JAKMIP3: variants seen among roughly 807,000 people sequenced by gnomAD.
JAKMIP3 encodes Janus kinase and microtubule interacting protein 3.
Under a neutral mutation model 118.5 loss-of-function variants are expected in JAKMIP3, and 58 were observed. The ratio of observed to expected loss-of-function variants is 0.49; its 90% CI spans 0.40 to 0.61. The LOEUF (loss-of-function observed/expected upper bound fraction) is 0.61, where lower values mean the gene tolerates loss of function less well. Among genes scored for constraint, JAKMIP3 ranks in the 20% least tolerant of loss-of-function variants. JAKMIP3 has a pLI of 0.00. For synonymous variants in JAKMIP3, 486 were observed against 451.2 expected (o/e 1.08, Z -0.98); for missense variants, 950 against 1,109.0 (o/e 0.86, Z 2.04).
At chr10:132,173,390 C>T (rs1040948191) in intron 23 of JAKMIP3, among the ~76,000 whole-genome samples, 1 of 151,240 alleles carries the variant, frequency 6.6e-6, no homozygotes, top group Non-Finnish European at 1.5e-5. Flanking sequence ...ACCTGCTCAT[C>T]TGTGCGGCCC....
At position 132,152,954 on chromosome 10, in the gene JAKMIP3, G is replaced by A; in HGVS notation, c.2008-4G>A. ...CCGCACCTGTGTTCTGCTTTTGGGT[G>A]CAGAACCTGACCAATGAGGAGCAGG... is the stretch of plus-strand genomic sequence containing the variant. On this transcript the variant is annotated splice_region_variant and splice_polypyrimidine_tract_variant and intron_variant, in intron 16 of 23. Transcript: ENST00000684848. The A allele has an allele frequency of 1.2e-6, 2 of 1,602,742 alleles. No individual in the cohort carries two copies. The highest frequency in any genetic ancestry group is 2.2e-5 in the East Asian group (1 of 44,540).
At chr10:132,150,584 C>T (rs192114336) in intron 16 of JAKMIP3, among the ~76,000 whole-genome samples, 240 of 152,308 alleles carry the variant, frequency 1.6e-3, no homozygotes, top group Middle Eastern at 3.4e-3. Context: ...ATCTACCTAG[C>T]CCTTCATTCA....
intron 1 of JAKMIP3, among the ~76,000 whole-genome samples, chr10:132,043,024 A>G (rs569482769): frequency 4.6e-3 from 696 of 151,676 alleles, no homozygotes; most frequent in Non-Finnish European, 8.5e-3. Context: ...AGCCCAGGAG[A>G]CAGAGGTTGC....
At chr10:132,164,843 C>T (rs116511728) in intron 21 of JAKMIP3, 108 bp downstream of exon 21, 5 of 762,108 alleles carry the variant, frequency 6.6e-6, no homozygotes, top group South Asian at 4.7e-5. Context: ...CAGCAGACTT[C>T]GCTCCCAACA....
chr10:132,136,302 T>C (rs1309617138), intron 6 of JAKMIP3, among the ~76,000 whole-genome samples: 1 of 152,140 alleles, frequency 6.6e-6, no homozygotes, highest in African/African-American at 2.4e-5. Flanking sequence ...GATGCGGCTG[T>C]GGGGCGTCCC....
chr10:132,045,933 TAAA>T (rs5789110), intron 1 of JAKMIP3, among the ~76,000 whole-genome samples: 1 of 144,150 alleles, frequency 6.9e-6, no homozygotes, highest in Middle Eastern at 3.3e-3. Flanking sequence ...GATCCTGTCT[TAAA>T]AAAAAAAAAA....
upstream of JAKMIP3, among the ~76,000 whole-genome samples, chr10:132,036,626 C>T (rs2037503886): frequency 6.6e-6 from 1 of 151,044 alleles, no homozygotes; most frequent in Non-Finnish European, 1.5e-5. Flanking sequence ...CGGGGCGGGC[C>T]GGGTTCGGGG....
chr10:132,074,442 G>T (rs990145851), intron 1 of JAKMIP3, among the ~76,000 whole-genome samples: 1 of 152,124 alleles, frequency 6.6e-6, no homozygotes, highest in Non-Finnish European at 1.5e-5. Flanking sequence ...GGTGATTACT[G>T]ACATTGAACA....
chr10:132,147,967 A>C lies in JAKMIP3; in HGVS notation c.1765A>C (p.Thr589Pro). The change falls in exon 14 of 24, where the codon ACG (threonine) becomes CCG (proline). Residue 589 changes from threonine to proline, a missense_variant. Thr to Pro is a conservative substitution (Grantham distance 38). Coordinates refer to ENST00000684848, the MANE Select transcript of JAKMIP3 (RefSeq NM_001323087.2). ...TATGTTGCAGATCAAACAAATGGAG[A>C]CGGAAGAGGCTCGGCTCAGACACGA... ...ELVEKIKQMETEEARLRHEVQ... is the reference protein window; with the variant it reads ...ELVEKIKQMEPEEARLRHEVQ... 1 of 1,608,032 alleles carries C rather than the reference A, an allele frequency of 6.2e-7. No homozygotes were observed. The highest frequency in any genetic ancestry group is 8.5e-7 in the Non-Finnish European group (1 of 1,177,108).
At position 132,145,173 on chromosome 10, in the gene JAKMIP3, C is replaced by G. The variant is rs752777936; in HGVS notation, c.1669C>G (p.Leu557Val). 6.2e-7 allele frequency: 1 copy of G among 1,610,638 alleles called. No individual in the cohort carries two copies. Among genetic ancestry groups the G allele is most frequent in the African/African-American group, 1.3e-5 (1 of 74,942 alleles). ...GCGGATAGAGGACCTGGAGAAGGCC[C>G]TGGCGGAGCAGGGGCAGGTGAGCCT... ...QARIEDLEKA[L>V]AEQGQDMKWI... Residue 557 changes from leucine (L) to valine (V), a missense_variant, in exon 12 of 24, where the codon CTG becomes GTG. Physicochemically the swap from Leu to Val is conservative, Grantham distance 32. Coordinates refer to ENST00000684848, the MANE Select transcript of JAKMIP3 (RefSeq NM_001323087.2).
intron 11 of JAKMIP3, 47 bp downstream of exon 11, chr10:132,142,095 C>T (rs775051107): frequency 2.0e-5 from 31 of 1,546,802 alleles, no homozygotes; most frequent in South Asian, 1.8e-4. Context: ...CGTGCCTTCC[C>T]GCTTGACCCC....
intron 22 of JAKMIP3, 124 bp downstream of exon 22, chr10:132,167,179 C>G: frequency 1.4e-6 from 1 of 710,824 alleles, no homozygotes. Context: ...GATGACCCAG[C>G]ATCCCCAAAA....
intron 1 of JAKMIP3, among the ~76,000 whole-genome samples, chr10:132,087,880 C>T (rs1253663046): frequency 2.0e-5 from 3 of 151,948 alleles, no homozygotes; most frequent in Non-Finnish European, 4.4e-5. Flanking sequence ...ATGACAGGCC[C>T]CGGTGTGTGA....
intron 1 of JAKMIP3, among the ~76,000 whole-genome samples, chr10:132,081,232 A>G (rs1303942831): frequency 1.6e-4 from 25 of 152,248 alleles, no homozygotes. Context: ...AGTCTTACTT[A>G]GTACCCTTGT....
rs372734785 is a variant in JAKMIP3, at chr10:132,136,071, G to A, written c.1111G>A (p.Glu371Lys). 2.7e-5 allele frequency: 44 copies of A among 1,613,270 alleles called. No homozygotes were observed. Among genetic ancestry groups the A allele is most frequent in the Non-Finnish European group, 3.6e-5 (43 of 1,179,784 alleles). The change falls in exon 6 of 24, where the codon GAA (glutamate) becomes AAA (lysine). Residue 371 changes from glutamate (E) to lysine (K), a missense_variant. Glu to Lys is a moderately conservative substitution (Grantham distance 56). Transcript: ENST00000684848. ...KLKFVTQENI[E>K]MRQRAGIIRR... ...AAAATTTGTCACCCAGGAGAACATA[G>A]AAATGGTGAGGGGGTGGGGGGCTCC...
chr10:132,117,851 C>T lies in JAKMIP3; in HGVS notation c.633+277C>T, dbSNP rs560920626. Among the ~76,000 whole-genome samples the T allele has an allele frequency of 1.3e-5, 2 of 152,290 alleles. No individual in the cohort carries two copies. On this transcript the variant is annotated intron_variant, in intron 3 of 23. Transcript: ENST00000684848. This position sits in a 1 kb window ranked among gnomAD's most constrained non-coding sequence, Gnocchi z 8.6. ...CTCACCTCCCCTTTTCCACAAACAC[C>T]AGCTCTACTTCCTTTCTTAACTTGG...
chr10:132,082,382 C>T (rs1351497728), intron 1 of JAKMIP3, among the ~76,000 whole-genome samples: 2 of 152,028 alleles, frequency 1.3e-5, no homozygotes, highest in Non-Finnish European at 2.9e-5. Context: ...TCACCCTCTT[C>T]CCACCCTTTC....
At chr10:132,059,456 C>T (rs936457360) in intron 1 of JAKMIP3, among the ~76,000 whole-genome samples, 1 of 152,266 alleles carries the variant, frequency 6.6e-6, no homozygotes, top group Non-Finnish European at 1.5e-5. Context: ...TCTAACTTAA[C>T]AGAGCCTGGC....
chr10:132,103,128 C>T (rs1393563846), intron 1 of JAKMIP3, among the ~76,000 whole-genome samples: 1 of 152,042 alleles, frequency 6.6e-6, no homozygotes, highest in African/African-American at 2.4e-5. Flanking sequence ...CTTCACTGCC[C>T]TGTAACAGGT....
Sources: gnomAD v4.1 joint callset for allele counts (sites outside exome capture counted in the v4.1 genomes callset) on GRCh38, gnomAD v4.1.1 for gene constraint, Gnocchi (gnomAD v3.1) non-coding constraint, MANE v1.5 for transcripts, NCBI Gene and HGNC (gene_info 2026-07-23, HGNC 2026-07-21) for gene names.